Variants in C3orf70 observed in about 807,000 individuals in gnomAD.
The protein encoded by C3orf70 is UPF0524 protein C3orf70.
Under a neutral mutation model 20.7 loss-of-function variants are expected in C3orf70, and 15 were observed. The observed-to-expected ratio is 0.72, with a 90% CI of 0.48 to 1.11. C3orf70 has a LOEUF of 1.11. C3orf70 is among the 50% of genes most tolerant of loss of function. The pLI is 0.00. For synonymous variants in C3orf70, 161 were observed against 125.7 expected, an observed-to-expected ratio of 1.28 and a Z score of -1.88; for missense variants, 332 against 317.6, an observed-to-expected ratio of 1.05 and a Z score of -0.34.
chr3:185,125,270 T>G (rs1716382968), intron 1 of C3orf70, among the ~76,000 whole-genome samples: 1 of 152,012 alleles, frequency 6.6e-6, no homozygotes, highest in African/African-American at 2.4e-5. Flanking sequence ...TCCCAGCTAC[T>G]TGGGAGGCTT....
intron 1 of C3orf70, among the ~76,000 whole-genome samples, chr3:185,090,556 T>G (rs898049297): frequency 1.3e-5 from 2 of 152,122 alleles, no homozygotes; most frequent in African/African-American, 4.8e-5. Flanking sequence ...TGAAAAAAAA[T>G]GAGTGGCCTG....
intron 1 of C3orf70, 127 bp downstream of exon 1, chr3:185,152,482 GAGCCCACGGCGGCCCCAGC>G: frequency 1.9e-6 from 1 of 539,022 alleles, no homozygotes; most frequent in South Asian, 6.8e-5. Context: ...GGCGGGCCCG[GAGCCCACGGCGGCCCCAGC>G]CTCCGGCAGA....
intron 1 of C3orf70, among the ~76,000 whole-genome samples, chr3:185,111,051 A>T (rs900658547): frequency 1.1e-4 from 16 of 152,138 alleles, no homozygotes; most frequent in Admixed American, 6.5e-5. Context: ...TTCTTGGCAC[A>T]CATGCAAAAG....
intron 1 of C3orf70, among the ~76,000 whole-genome samples, chr3:185,102,074 T>G (rs538792807): frequency 6.6e-6 from 1 of 152,128 alleles, no homozygotes; most frequent in South Asian, 2.1e-4. Context: ...TCCAGGCAGA[T>G]CAGGCAAGAG....
At chr3:185,126,005 A>G (rs542589215) in intron 1 of C3orf70, among the ~76,000 whole-genome samples, 1 of 152,202 alleles carries the variant, frequency 6.6e-6, no homozygotes, top group Non-Finnish European at 1.5e-5. Context: ...GTTAAAATGC[A>G]CAGAACTGTA....
At chr3:185,152,091 C>T (rs774804029) in intron 1 of C3orf70, among the ~76,000 whole-genome samples, 2 of 152,222 alleles carry the variant, frequency 1.3e-5, no homozygotes, top group Non-Finnish European at 2.9e-5. Flanking sequence ...GAAGCAATCC[C>T]TCCCACATTA....
chr3:185,103,746 A>G (rs1267456941), intron 1 of C3orf70, among the ~76,000 whole-genome samples: 6 of 152,206 alleles, frequency 3.9e-5, no homozygotes, highest in Non-Finnish European at 7.3e-5. Context: ...GGCTACAGGC[A>G]AAAATAGAGC....
At chr3:185,091,955 ATATATATATTTTT>A (rs1465479535) in intron 1 of C3orf70, among the ~76,000 whole-genome samples, 1,756 of 9,188 alleles carry the variant, frequency 0.19, 113 homozygotes, top group Middle Eastern at 0.4. Flanking sequence ...ATATATATAT[ATATATATATTTTT>A]TTTTTTTTTT....
chr3:185,095,529 C>A (rs1187088161), intron 1 of C3orf70, among the ~76,000 whole-genome samples: 1 of 152,050 alleles, frequency 6.6e-6, no homozygotes, highest in Non-Finnish European at 1.5e-5. Flanking sequence ...CAGAAAATTA[C>A]AAGAAAAGGG....
chr3:185,123,291 T>A (rs1339934449), intron 1 of C3orf70, among the ~76,000 whole-genome samples: 1 of 148,714 alleles, frequency 6.7e-6, no homozygotes, highest in Non-Finnish European at 1.5e-5. Context: ...GTCCTTTTTT[T>A]ACATTTGCAT....
chr3:185,108,427 G>A (rs1715992177), intron 1 of C3orf70, among the ~76,000 whole-genome samples: 1 of 152,208 alleles, frequency 6.6e-6, no homozygotes, highest in Non-Finnish European at 1.5e-5. Context: ...AAAATGCTCA[G>A]TTACAATTTC....
chr3:185,092,451 C>G (rs372489188), intron 1 of C3orf70, among the ~76,000 whole-genome samples: 133 of 152,220 alleles, frequency 8.7e-4, no homozygotes, highest in African/African-American at 3.0e-3. Context: ...TCACCTCCCC[C>G]CAAACCCTAG....
chr3:185,126,854 C>A (rs771905838), intron 1 of C3orf70, among the ~76,000 whole-genome samples: 1 of 152,156 alleles, frequency 6.6e-6, no homozygotes, highest in African/African-American at 2.4e-5. Flanking sequence ...GATGGTACAG[C>A]CCACTGACAA....
In C3orf70 at chr3:185,083,514, A is replaced by G. The variant is rs756603030; in HGVS notation, c.246T>C (p.Thr82=). 6.2e-7 allele frequency: 1 copy of G among 1,612,838 alleles called. No individual in the cohort carries two copies. Among genetic ancestry groups the G allele is most frequent in the Non-Finnish European group, 8.5e-7 (1 of 1,179,578 alleles). ...GTTCCCGAGGCCTGGCAGGAATCTC[A>G]GTGCTTGGAAGCTGTTCCACAGGGG... ...PMTPVEQLPS[T]EIPARPREPT... is the part of the protein sequence containing the mutation. Residue 82 remains threonine, a synonymous_variant, in exon 2 of 2, where the codon ACT becomes ACC. Transcript: ENST00000335012.
rs566208434 is a variant in C3orf70 at position 185,152,809 on chromosome 3, G to A, written c.15C>T (p.Ala5=). The part of the protein sequence containing the change: MSAA[A]SPASERGWKS... ...TCCAACCCCGCTCCGACGCCGGCGA[G>A]GCCGCCGCACTCATTTCCTCTCCCT... Residue 5 remains alanine (A), a synonymous_variant, in exon 1 of 2, where the codon GCC becomes GCT. Coordinates refer to ENST00000335012, the MANE Select transcript of C3orf70 (RefSeq NM_001025266.3). 4 of 1,563,610 alleles carry A rather than the reference G, an allele frequency of 2.6e-6. No homozygotes were observed. The highest frequency in any genetic ancestry group is 3.5e-6 in the Non-Finnish European group (4 of 1,153,246).
chr3:185,117,073 G>A lies in C3orf70; in HGVS notation c.197-33510C>T, dbSNP rs59954649. Among the ~76,000 whole-genome samples the A allele has an allele frequency of 6.8e-3, 1,042 of 152,220 alleles. 12 individuals are homozygous for A. The highest frequency in any genetic ancestry group is 0.024 in the African/African-American group (979 of 41,528). The stretch of plus-strand genomic sequence containing the variant: ...TGGGATTACAGGCGTGAGCCACCGC[G>A]CCCGGCCTGACCCTCTACATTTTCA... On this transcript the variant is annotated intron_variant, in intron 1 of 1. Transcript: ENST00000335012.
chr3:185,085,001 G>A (rs938194512), intron 1 of C3orf70, among the ~76,000 whole-genome samples: 5 of 152,042 alleles, frequency 3.3e-5, no homozygotes, highest in African/African-American at 9.7e-5. Flanking sequence ...ATTCTTCATC[G>A]TGGTGGGGAG....
chr3:185,111,663 A>G lies in C3orf70; in HGVS notation c.197-28100T>C, dbSNP rs554586985. Among the ~76,000 whole-genome samples, 4 of 152,270 alleles carry G rather than the reference A, an allele frequency of 2.6e-5. No homozygotes were observed. In the East Asian group the frequency reaches 7.7e-4, roughly 29 times the overall value. On this transcript the variant is annotated intron_variant, in intron 1 of 1. Coordinates refer to ENST00000335012, the MANE Select transcript of C3orf70 (RefSeq NM_001025266.3). ...GCTTGGGAAAACTATTTTGAAAAAC[A>G]ATTTGGAAGAGTTGATAGAGGACCC...
chr3:185,123,367 C>A (rs976906713), intron 1 of C3orf70, among the ~76,000 whole-genome samples: 6 of 151,918 alleles, frequency 3.9e-5, no homozygotes, highest in African/African-American at 1.5e-4. Context: ...GGTGACCCAT[C>A]GTGGTTTTTG....
Sources: gnomAD v4.1 joint callset for allele counts (sites outside exome capture counted in the v4.1 genomes callset) on GRCh38, gnomAD v4.1.1 for gene constraint, MANE v1.5 for transcripts, NCBI Gene and HGNC (gene_info 2026-07-23, HGNC 2026-07-21) for gene names.